Variants in XDH observed in about 807,000 individuals in gnomAD.
The protein encoded by XDH is xanthine dehydrogenase/oxidase.
A neutral mutation model predicts 156.1 loss-of-function variants in XDH; 138 were observed. That is an observed-to-expected ratio of 0.88 (90% confidence interval 0.77 to 1.02). The LOEUF (loss-of-function observed/expected upper bound fraction) is 1.02, where lower values mean the gene tolerates loss of function less well. XDH is among the 50% of genes least tolerant of loss of function. XDH has a pLI of 0.00. For missense variants in XDH, 1,849 were observed against 1,684.9 expected, an observed-to-expected ratio of 1.10 and a Z score of -1.71; for synonymous variants, 669 against 625.7, an observed-to-expected ratio of 1.07 and a Z score of -1.03.
Position 31,349,830 on chromosome 2 carries a change from A to T in XDH, c.2825T>A (p.Val942Glu). The change falls in exon 26 of 36, where the codon GTG (valine) becomes GAG (glutamate). Residue 942 changes from valine (V) to glutamate (E), a missense_variant and splice_region_variant. Val to Glu is a moderately radical substitution (Grantham distance 121, BLOSUM62 -2). Coordinates refer to ENST00000379416, the MANE Select transcript of XDH (RefSeq NM_000379.4). ...AVTCGMPAEE[V>E]RRKNLYKEGD... ...TTCTTTGTACAGGTTTTTTCTCCGCACCTTCCCAAGGAGAGAGACACAGAG... is the reference window on the plus strand; with the variant it reads ...TTCTTTGTACAGGTTTTTTCTCCGCTCCTTCCCAAGGAGAGAGACACAGAG... 2 of 1,613,856 alleles carry T rather than the reference A, an allele frequency of 1.2e-6. No individual in the cohort carries two copies. The highest frequency in any genetic ancestry group is 8.5e-7 in the Non-Finnish European group (1 of 1,179,998).
Position 31,334,754 on chromosome 2 carries a change from A to G in XDH, c.*1204T>C, listed in dbSNP as rs545037947. The stretch of plus-strand genomic sequence containing the variant: ...CAGTAAAATGGATCACAGGAAGGGG[A>G]ATTGACAGTCCAAGATCACAAAGAT... On this transcript the variant is annotated 3_prime_UTR_variant, in exon 36 of 36. Transcript: ENST00000379416. 1 of 152,272 alleles carries G rather than the reference A, an allele frequency of 6.6e-6. No homozygotes were observed. Among genetic ancestry groups the G allele is most frequent in the Non-Finnish European group, 1.5e-5 (1 of 68,022 alleles). 9.4% of individuals were successfully genotyped at this position (152,272 alleles called of 1,614,324 possible).
chr2:31,371,008 G>A (rs887445796), intron 17 of XDH, among the ~76,000 whole-genome samples: 1 of 152,180 alleles, frequency 6.6e-6, no homozygotes, highest in Non-Finnish European at 1.5e-5. Context: ...AGCACATGGA[G>A]CCCGGCTGTG....
Position 31,335,691 on chromosome 2 carries a change from G to C in XDH, c.*267C>G. ...ACAAACCCTTCCCGACCCTATTCCAGATACATGATTAAAACAGACAGAAAA... is the reference window on the plus strand; with the variant it reads ...ACAAACCCTTCCCGACCCTATTCCACATACATGATTAAAACAGACAGAAAA... On this transcript the variant is annotated 3_prime_UTR_variant, in exon 36 of 36. Coordinates refer to ENST00000379416, the MANE Select transcript of XDH (RefSeq NM_000379.4). The C allele has an allele frequency of 3.5e-6, 2 of 570,516 alleles. No homozygotes were observed. Among genetic ancestry groups the C allele is most frequent in the Non-Finnish European group, 6.3e-6 (2 of 317,848 alleles). The allele number at this position is 570,516 out of a possible 1,614,324, so 35.3% of individuals were successfully genotyped here.
chr2:31,340,242 G>A (rs1369875656), intron 33 of XDH, among the ~76,000 whole-genome samples: 1 of 152,190 alleles, frequency 6.6e-6, no homozygotes, highest in Non-Finnish European at 1.5e-5. Context: ...AAAAGAAACC[G>A]ACTGGCAATC....
At chr2:31,399,285 G>A (rs1024871723) in intron 4 of XDH, among the ~76,000 whole-genome samples, 1 of 152,114 alleles carries the variant, frequency 6.6e-6, no homozygotes, top group African/African-American at 2.4e-5. Flanking sequence ...TCTGAGGGGA[G>A]GTCAAAGCTG....
intron 14 of XDH, among the ~76,000 whole-genome samples, chr2:31,376,600 T>C (rs535708179): frequency 6.7e-6 from 1 of 149,544 alleles, no homozygotes; most frequent in East Asian, 1.9e-4. Flanking sequence ...GCAATAGTAA[T>C]AGTAATAACA....
chr2:31,379,658 A>G (rs549684205), intron 13 of XDH, among the ~76,000 whole-genome samples: 50 of 152,342 alleles, frequency 3.3e-4, no homozygotes, highest in Non-Finnish European at 6.2e-4. Context: ...TCCACAGTCC[A>G]TGCCATGTGG....
chr2:31,380,084 C>T (rs748449221), intron 12 of XDH, 108 bp from the exon 13 acceptor site: 2 of 1,075,618 alleles, frequency 1.9e-6, no homozygotes, highest in Non-Finnish European at 2.8e-6. Flanking sequence ...GTCTCCAATG[C>T]CCACAGTCAG....
At chr2:31,365,348 T>C in intron 23 of XDH, 109 bp downstream of exon 23, 3 of 1,185,010 alleles carry the variant, frequency 2.5e-6, no homozygotes, top group Non-Finnish European at 3.8e-6. Context: ...TTTGAACTTC[T>C]ACAGATAGGC....
chr2:31,414,698 A>T lies in XDH; in HGVS notation c.-32T>A. 1.9e-6 allele frequency: 3 copies of T among 1,613,958 alleles called. No individual in the cohort carries two copies. The highest frequency in any genetic ancestry group is 2.5e-6 in the Non-Finnish European group (3 of 1,179,894). ...AGGTTGGGGTCCCCGAACTCCAGGT[A>T]CCTCACTCCTAAGAGACACTGGCAG... On this transcript the variant is annotated 5_prime_UTR_variant, in exon 1 of 36. Coordinates refer to ENST00000379416, the MANE Select transcript of XDH (RefSeq NM_000379.4).
intron 4 of XDH, among the ~76,000 whole-genome samples, chr2:31,401,007 A>G (rs534829900): frequency 1.3e-5 from 2 of 152,342 alleles, no homozygotes; most frequent in African/African-American, 4.8e-5. Context: ...ATAACCAACC[A>G]GCTCACAGGA....
intron 20 of XDH, among the ~76,000 whole-genome samples, chr2:31,367,544 C>G (rs978837048): frequency 1.3e-5 from 2 of 152,038 alleles, no homozygotes; most frequent in Non-Finnish European, 2.9e-5. Context: ...GTGTCAGAGA[C>G]AGAGGTGGAG....
At chr2:31,382,314 C>T (rs889065930) in intron 11 of XDH, among the ~76,000 whole-genome samples, 1 of 151,782 alleles carries the variant, frequency 6.6e-6, no homozygotes. Flanking sequence ...TTTATGTTTC[C>T]TTATCTATAA....
At chr2:31,387,110 A>C (rs1686631719) in intron 8 of XDH, among the ~76,000 whole-genome samples, 1 of 152,164 alleles carries the variant, frequency 6.6e-6, no homozygotes. Context: ...CTGGGCTGAG[A>C]ACGAAGCCCT....
intron 3 of XDH, 112 bp from the exon 4 acceptor site, chr2:31,401,440 C>G: frequency 9.1e-7 from 1 of 1,097,832 alleles, no homozygotes; most frequent in Non-Finnish European, 1.4e-6. Context: ...TCTCTCCGCT[C>G]CCATTTATGT....
rs1685374813 is a variant in XDH, at chr2:31,348,905, C to G, written c.3045G>C (p.Leu1015=). The G allele has an allele frequency of 2.5e-6, 4 of 1,612,960 alleles. No homozygotes were observed. Among genetic ancestry groups the G allele is most frequent in the Non-Finnish European group, 3.4e-6 (4 of 1,178,870 alleles). ...AATTCTATAAAGCAATTACCTGATT[C>G]AGAAAAGGAACTGTAAAGCTTATTC... ...KFGISFTVPF[L]NQAGALLHVY... Residue 1015 remains leucine, a synonymous_variant, in exon 27 of 36, where the codon CTG becomes CTC. Transcript: ENST00000379416.
chr2:31,341,316 C>T lies in XDH; in HGVS notation c.3585+13G>A. ...GCCAAGTCTGTCACCACCCTGGTCC[C>T]ACTGAGCCTCACCTGTCCAATATCA... On this transcript the variant is annotated intron_variant, in intron 33 of 35. Coordinates refer to ENST00000379416, the MANE Select transcript of XDH (RefSeq NM_000379.4). 1 of 1,563,470 alleles carries T rather than the reference C, an allele frequency of 6.4e-7. No individual in the cohort carries two copies. Among genetic ancestry groups the T allele is most frequent in the East Asian group, 2.4e-5 (1 of 42,492 alleles).
intron 13 of XDH, among the ~76,000 whole-genome samples, chr2:31,378,074 GAAAGAAAGAAAGAAAGAAA>G: frequency 3.9e-5 from 1 of 25,900 alleles, no homozygotes; most frequent in South Asian, 2.0e-3. Context: ...AAGAAAGAAA[GAAAGAAAGAAAGAAAGAAA>G]GAAAGAAAGA....
intron 4 of XDH, among the ~76,000 whole-genome samples, chr2:31,399,231 G>T (rs1360401634): frequency 6.6e-6 from 1 of 152,182 alleles, no homozygotes; most frequent in African/African-American, 2.4e-5. Flanking sequence ...TTTGAGATTA[G>T]ACATCCGTAT....
Sources: allele counts gnomAD v4.1 joint callset (sites outside exome capture counted in the v4.1 genomes callset), GRCh38; gene constraint gnomAD v4.1.1; transcripts MANE v1.5; gene names NCBI Gene and HGNC (gene_info 2026-07-23, HGNC 2026-07-21).